RUNX2: variants seen among roughly 807,000 people sequenced by gnomAD.
RUNX2 encodes runt-related transcription factor 2.
Under a neutral mutation model 51.7 loss-of-function variants are expected in RUNX2, and 10 were observed. The observed-to-expected ratio is 0.19, with a 90% confidence interval of 0.12 to 0.33. The LOEUF is 0.33. Among genes scored for constraint, RUNX2 ranks in the 10% least tolerant of loss-of-function variants. RUNX2 has a pLI of 1.00. For missense variants in RUNX2, 562 were observed against 691.3 expected (o/e 0.81, Z 2.10); for synonymous variants, 276 against 273.6 (o/e 1.01, Z -0.09).
intron 2 of RUNX2, among the ~76,000 whole-genome samples, chr6:45,389,736 C>T (rs914358910): frequency 2.0e-5 from 3 of 152,260 alleles, no homozygotes; most frequent in African/African-American, 7.2e-5. Flanking sequence ...GCAGGCCGGG[C>T]ATGGTGGCTC....
At chr6:45,543,569 G>T (rs1010656900) in intron 7 of RUNX2, among the ~76,000 whole-genome samples, 2 of 152,148 alleles carry the variant, frequency 1.3e-5, no homozygotes, top group Non-Finnish European at 2.9e-5. Flanking sequence ...GATTGGGGTT[G>T]CACTGCTTTT....
chr6:45,364,549 G>C (rs1317481369), intron 2 of RUNX2, among the ~76,000 whole-genome samples: 1 of 104,962 alleles, frequency 9.5e-6, no homozygotes. Context: ...AAACTACTAT[G>C]TGTCAACAGA....
intron 5 of RUNX2, among the ~76,000 whole-genome samples, chr6:45,447,123 G>A (rs1799024098): frequency 6.6e-6 from 1 of 152,156 alleles, no homozygotes; most frequent in South Asian, 2.1e-4. Context: ...ATCATTTTTT[G>A]GGAAGTAGGT....
intron 2 of RUNX2, among the ~76,000 whole-genome samples, chr6:45,350,678 T>C (rs921068961): frequency 1.3e-5 from 2 of 152,208 alleles, no homozygotes; most frequent in African/African-American, 4.8e-5. Flanking sequence ...GTCATAATCA[T>C]ATTACTATGC....
At chr6:45,332,249 C>T (rs968607798) in intron 2 of RUNX2, among the ~76,000 whole-genome samples, 2 of 151,398 alleles carry the variant, frequency 1.3e-5, no homozygotes, top group African/African-American at 4.8e-5. Context: ...CCCCTCCCCC[C>T]GATTCAAGAG....
At chr6:45,475,093 C>T (rs1799917395) in intron 5 of RUNX2, among the ~76,000 whole-genome samples, 2 of 149,104 alleles carry the variant, frequency 1.3e-5, no homozygotes, top group Non-Finnish European at 3.0e-5. Context: ...CACTGCACTC[C>T]AGCCTGGGCG....
At chr6:45,339,031 GA>G (rs1302360818) in intron 2 of RUNX2, among the ~76,000 whole-genome samples, 2 of 151,836 alleles carry the variant, frequency 1.3e-5, no homozygotes, top group Non-Finnish European at 2.9e-5. Context: ...AATATAAGAA[GA>G]AAAATTAAAA....
At chr6:45,392,140 C>T (rs983617662) in intron 2 of RUNX2, among the ~76,000 whole-genome samples, 1 of 152,092 alleles carries the variant, frequency 6.6e-6, no homozygotes, top group Non-Finnish European at 1.5e-5. Context: ...ATACATAATA[C>T]CTGCCTTCAA....
rs551483778 is a variant in RUNX2, at chr6:45,342,941, G to A, written c.58+14157G>A. 1.2e-4 allele frequency among the ~76,000 whole-genome samples: 19 copies of A among 152,276 alleles called. No homozygotes were observed. The East Asian group carries it at 3.3e-3, about 26-fold the overall frequency. ...AGGACAGCAGGGGTTTTGGTGTTAAGTTTAAATTCCAGTTATAGCGCCTAG... is the reference window on the plus strand; with the variant it reads ...AGGACAGCAGGGGTTTTGGTGTTAAATTTAAATTCCAGTTATAGCGCCTAG... On this transcript the variant is annotated intron_variant, in intron 2 of 8. Coordinates refer to ENST00000647337, the MANE Select transcript of RUNX2 (RefSeq NM_001024630.4).
intron 2 of RUNX2, among the ~76,000 whole-genome samples, chr6:45,361,950 C>T (rs937105152): frequency 1.3e-5 from 2 of 152,138 alleles, no homozygotes; most frequent in Non-Finnish European, 2.9e-5. Flanking sequence ...ACTTGGGAGG[C>T]TGAAGCAGGA....
At position 45,378,661 on chromosome 6, in the gene RUNX2, CT is replaced by C. The variant is rs755700159; in HGVS notation, c.59-43918del. ...ATTGAAAACTTTTTCTACTTGAAGG[CT>C]TTTTTTTTTTTTTGGACGATTCTGT... is the stretch of plus-strand genomic sequence containing the variant. On this transcript the variant is annotated intron_variant, in intron 2 of 8. Coordinates refer to ENST00000647337, the MANE Select transcript of RUNX2 (RefSeq NM_001024630.4). 6.7e-3 allele frequency among the ~76,000 whole-genome samples: 920 copies of C among 137,470 alleles called. 6 individuals are homozygous for C. Among genetic ancestry groups the C allele is most frequent in the African/African-American group, 0.015 (574 of 37,694 alleles). The allele number at this position is 137,470 out of a possible 152,430, so 90.2% of individuals were successfully genotyped here. A position where few individuals can be genotyped will look rare whatever the true frequency, so the allele number is the denominator to read the frequency against.
intron 5 of RUNX2, among the ~76,000 whole-genome samples, chr6:45,472,857 A>T (rs1259568352): frequency 6.6e-6 from 1 of 152,174 alleles, no homozygotes; most frequent in Non-Finnish European, 1.5e-5. Flanking sequence ...TGGGAGGAAA[A>T]GGGTATCTTT....
intron 3 of RUNX2, among the ~76,000 whole-genome samples, chr6:45,423,786 G>T (rs1210875683): frequency 1.3e-5 from 2 of 152,200 alleles, no homozygotes. Flanking sequence ...CGCAAGCCCC[G>T]AAGCGGGGGC....
At chr6:45,468,564 A>G (rs576137139) in intron 5 of RUNX2, among the ~76,000 whole-genome samples, 368 of 152,346 alleles carry the variant, frequency 2.4e-3, no homozygotes, top group African/African-American at 8.2e-3. Context: ...TAATGAAACA[A>G]AATATGCTTT....
At chr6:45,404,030 T>C (rs1308682534) in intron 2 of RUNX2, among the ~76,000 whole-genome samples, 20 of 151,356 alleles carry the variant, frequency 1.3e-4, no homozygotes, top group Non-Finnish European at 1.5e-5. Context: ...GAGGCCAAGG[T>C]GGGTGGATCA....
At position 45,335,160 on chromosome 6, in the gene RUNX2, A is replaced by G. The variant is rs1026133409; in HGVS notation, c.58+6376A>G. On this transcript the variant is annotated intron_variant, in intron 2 of 8. Transcript: ENST00000647337. ...TAAGCATTGAATTTCTAATTTTTCTATGATAATTGCTAGAATTAACTTTCT... is the reference window on the plus strand; with the variant it reads ...TAAGCATTGAATTTCTAATTTTTCTGTGATAATTGCTAGAATTAACTTTCT... 2.0e-5 allele frequency among the ~76,000 whole-genome samples: 3 copies of G among 151,342 alleles called. No homozygotes were observed. In the East Asian group the frequency reaches 5.8e-4, roughly 29 times the overall value.
intron 2 of RUNX2, among the ~76,000 whole-genome samples, chr6:45,382,153 CTT>C (rs113044704): frequency 4.5e-4 from 68 of 152,316 alleles, no homozygotes; most frequent in Middle Eastern, 3.4e-3. Flanking sequence ...ATGTAAAACT[CTT>C]GTACTGGAAT....
intron 2 of RUNX2, among the ~76,000 whole-genome samples, chr6:45,389,965 C>G (rs1485944297): frequency 3.3e-5 from 5 of 151,702 alleles, no homozygotes; most frequent in Admixed American, 3.3e-4. Context: ...GAGATTGAAC[C>G]AGTGCCCTCC....
chr6:45,443,660 T>C (rs1798904498), intron 5 of RUNX2, among the ~76,000 whole-genome samples: 1 of 152,234 alleles, frequency 6.6e-6, no homozygotes, highest in African/African-American at 2.4e-5. Context: ...CTAATCGTAG[T>C]GTCATTCTGA....
Sources: allele counts gnomAD v4.1 joint callset (sites outside exome capture counted in the v4.1 genomes callset), GRCh38; gene constraint gnomAD v4.1.1; transcripts MANE v1.5; gene names NCBI Gene and HGNC (gene_info 2026-07-23, HGNC 2026-07-21).